Variants in ATP8A2 observed in about 807,000 individuals in gnomAD.
ATP8A2 encodes phospholipid-transporting ATPase IB.
ATP8A2 carries 100 observed loss-of-function variants against 165.6 expected under a neutral mutation model. That is an observed-to-expected ratio of 0.60 (90% CI 0.51 to 0.71). The LOEUF (loss-of-function observed/expected upper bound fraction) is 0.71. Ranked by LOEUF, ATP8A2 falls within the 30% of genes least tolerant of loss-of-function variation. The probability of loss-of-function intolerance (pLI) is 0.00; values close to 1 mark genes in which losing one functional copy is unlikely to be tolerated. For missense variants in ATP8A2, 1,227 were observed against 1,479.5 expected, an observed-to-expected ratio of 0.83 and a Z score of 2.80; for synonymous variants, 543 against 548.8, an observed-to-expected ratio of 0.99 and a Z score of 0.15.
Position 25,665,472 on chromosome 13 carries a change from C to CT in ATP8A2, c.2212-33693dup, listed in dbSNP as rs543760777. ...AACATGTAGATCAGAATTTGGATGA[C>CT]TTTTTTTTCCTCAGGTGCAGAGATG... On this transcript the variant is annotated intron_variant, in intron 24 of 36. Transcript: ENST00000381655. 3.3e-3 allele frequency among the ~76,000 whole-genome samples: 494 copies of CT among 151,922 alleles called. 4 individuals carry two copies. Among genetic ancestry groups the CT allele is most frequent in the African/African-American group, 0.012 (477 of 41,424 alleles).
At chr13:25,420,366 C>T (rs1164423969) in intron 1 of ATP8A2, among the ~76,000 whole-genome samples, 1 of 152,206 alleles carries the variant, frequency 6.6e-6, no homozygotes, top group African/African-American at 2.4e-5. Flanking sequence ...ACCAGGTGGC[C>T]AGGAGTGGTT....
intron 33 of ATP8A2, among the ~76,000 whole-genome samples, chr13:25,938,989 C>T (rs894716124): frequency 2.0e-5 from 3 of 152,044 alleles, no homozygotes; most frequent in East Asian, 1.9e-4. Flanking sequence ...ATTGCAGGCA[C>T]GCACCACCAC....
chr13:25,568,657 G>A (rs2039384710), intron 16 of ATP8A2, among the ~76,000 whole-genome samples: 1 of 152,144 alleles, frequency 6.6e-6, no homozygotes, highest in East Asian at 1.9e-4. Context: ...TTCTGCTGGG[G>A]AAGATGAAGT....
chr13:25,516,803 C>T (rs1243794676), intron 2 of ATP8A2, among the ~76,000 whole-genome samples: 6 of 131,782 alleles, frequency 4.6e-5, no homozygotes, highest in South Asian at 2.6e-4. Context: ...TTTTTTGAGA[C>T]GGAGTTTCAC....
At chr13:25,480,498 C>CTGCACTCTGGGCACTTTGGGA (rs2036149426) in intron 2 of ATP8A2, among the ~76,000 whole-genome samples, 1 of 148,186 alleles carries the variant, frequency 6.7e-6, no homozygotes, top group African/African-American at 2.5e-5. Flanking sequence ...CGGGCAGAGG[C>CTGCACTCTGGGCACTTTGGGA]GCTCCTCACA....
chr13:25,442,053 G>C (rs2034945403), intron 1 of ATP8A2, among the ~76,000 whole-genome samples: 1 of 152,170 alleles, frequency 6.6e-6, no homozygotes, highest in African/African-American at 2.4e-5. Flanking sequence ...CCATGTGGAA[G>C]CACGTGTCAG....
chr13:25,503,744 G>T (rs1009608120), intron 2 of ATP8A2, among the ~76,000 whole-genome samples: 9 of 152,102 alleles, frequency 5.9e-5, no homozygotes, highest in Non-Finnish European at 8.8e-5. Flanking sequence ...AGGTCCTCGG[G>T]TTAAAAAAAC....
intron 33 of ATP8A2, among the ~76,000 whole-genome samples, chr13:25,932,347 G>A (rs1355491054): frequency 1.3e-5 from 2 of 152,162 alleles, no homozygotes; most frequent in South Asian, 2.1e-4. Flanking sequence ...CTTGGTGTCT[G>A]TTTTGTCGCA....
chr13:25,963,965 CT>C (rs1465955247), intron 34 of ATP8A2, among the ~76,000 whole-genome samples: 18 of 152,262 alleles, frequency 1.2e-4, no homozygotes, highest in African/African-American at 4.3e-4. Flanking sequence ...AAGTCACTTC[CT>C]TTCCAAGGAG....
rs779900763 is a variant in ATP8A2 at position 25,621,390 on chromosome 13, CTTTT to C, written c.2211+31693_2211+31696del. Among the ~76,000 whole-genome samples the C allele has an allele frequency of 1.4e-4, 21 of 152,198 alleles. 1 individual carries two copies. Among genetic ancestry groups the C allele is most frequent in the Admixed American group, 1.4e-3 (21 of 15,282 alleles). On this transcript the variant is annotated intron_variant, in intron 24 of 36. Coordinates refer to ENST00000381655, the MANE Select transcript of ATP8A2 (RefSeq NM_016529.6). ...TCTGATTTAATCTTTTCATTTTTCT[CTTTT>C]TGTTTTTCTCAACCTTTTCTGCTAC...
chr13:25,998,224 G>A (rs574982579), intron 35 of ATP8A2, among the ~76,000 whole-genome samples: 8 of 152,264 alleles, frequency 5.3e-5, no homozygotes, highest in African/African-American at 1.9e-4. Context: ...CACTGGGTTG[G>A]GGATGGAAGT....
chr13:25,939,192 C>T (rs1269835170), intron 33 of ATP8A2, among the ~76,000 whole-genome samples: 1 of 152,092 alleles, frequency 6.6e-6, no homozygotes, highest in Non-Finnish European at 1.5e-5. Flanking sequence ...CTTTCACCAG[C>T]GTGCTCCTTT....
At chr13:25,541,576 A>C (rs78039006) in intron 8 of ATP8A2, among the ~76,000 whole-genome samples, 3 of 152,160 alleles carry the variant, frequency 2.0e-5, no homozygotes, top group African/African-American at 7.2e-5. Flanking sequence ...GGGCTACTCT[A>C]TTCTATCTTT....
At chr13:25,964,786 C>A (rs149541832) in intron 34 of ATP8A2, among the ~76,000 whole-genome samples, 1 of 152,162 alleles carries the variant, frequency 6.6e-6, no homozygotes, top group Non-Finnish European at 1.5e-5. Flanking sequence ...AGGGGTGCTG[C>A]GGGCCTCTCA....
chr13:25,552,175 C>T (rs1450671500), intron 11 of ATP8A2, among the ~76,000 whole-genome samples: 2 of 151,946 alleles, frequency 1.3e-5, no homozygotes, highest in South Asian at 2.1e-4. Context: ...TTAGTAGAGA[C>T]GGGATTTCAC....
At chr13:25,646,671 A>AAAC (rs10675043) in intron 24 of ATP8A2, among the ~76,000 whole-genome samples, 56,552 of 122,510 alleles carry the variant, frequency 0.46, 15,625 homozygotes, top group Middle Eastern at 0.58. Flanking sequence ...AAAAAAAAAA[A>AAAC]CACACAAAAG....
chr13:25,391,896 A>T (rs750760128), intron 1 of ATP8A2, among the ~76,000 whole-genome samples: 4 of 152,250 alleles, frequency 2.6e-5, no homozygotes, highest in African/African-American at 9.6e-5. Flanking sequence ...TGCGGTTGAA[A>T]AAAATGATTT....
chr13:25,913,266 C>T (rs1954172603), intron 33 of ATP8A2, among the ~76,000 whole-genome samples: 1 of 151,972 alleles, frequency 6.6e-6, no homozygotes. Flanking sequence ...GCAGTTCATT[C>T]CTAAAATTTA....
chr13:25,410,287 G>A (rs755361958), intron 1 of ATP8A2, among the ~76,000 whole-genome samples: 6 of 151,824 alleles, frequency 4.0e-5, no homozygotes, highest in Admixed American at 1.3e-4. Flanking sequence ...CAAGACCTTC[G>A]TCAAATGCTA....
Sources: gnomAD v4.1 joint callset for allele counts (sites outside exome capture counted in the v4.1 genomes callset) on GRCh38, gnomAD v4.1.1 for gene constraint, MANE v1.5 for transcripts, NCBI Gene and HGNC (gene_info 2026-07-23, HGNC 2026-07-21) for gene names.